The following PCNX1 variants were observed in gnomAD, a reference collection of about 807,000 sequenced individuals.
PCNX1 encodes pecanex-like protein 1.
A neutral mutation model predicts 242.2 loss-of-function variants in PCNX1; 78 were observed. That is an observed-to-expected ratio of 0.32 (90% CI 0.27 to 0.39). PCNX1 has a LOEUF of 0.39. PCNX1 is among the 10% of genes least tolerant of loss of function. The pLI is 1.00. For missense variants in PCNX1, 2,581 were observed against 2,856.5 expected, an observed-to-expected ratio of 0.90 and a Z score of 2.20; for synonymous variants, 1,024 against 1,032.9, an observed-to-expected ratio of 0.99 and a Z score of 0.17.
At chr14:71,107,356 A>G (rs2062653889) in intron 33 of PCNX1, among the ~76,000 whole-genome samples, 1 of 151,972 alleles carries the variant, frequency 6.6e-6, no homozygotes. Context: ...TGGTTTTTGT[A>G]ATTTTTTTTT....
intron 1 of PCNX1, among the ~76,000 whole-genome samples, chr14:70,934,404 T>C (rs2056919084): frequency 6.8e-6 from 1 of 148,122 alleles, no homozygotes; most frequent in Admixed American, 6.7e-5. Flanking sequence ...TTAAAAAAAA[T>C]TGTGGTAAAA....
rs369241232 is a variant in PCNX1 at position 71,090,996 on chromosome 14, CA to C, written c.5589+1655del. ...CTTTACTTTATATTCTGGCCCAACA[CA>C]CTTGGATATAGCACACTCCCATCAT... On this transcript the variant is annotated intron_variant, in intron 30 of 35. Coordinates refer to ENST00000304743, the MANE Select transcript of PCNX1 (RefSeq NM_014982.3). Among the ~76,000 whole-genome samples the C allele has an allele frequency of 3.6e-3, 551 of 152,318 alleles. 1 individual carries two copies. The highest frequency in any genetic ancestry group is 0.013 in the African/African-American group (534 of 41,572).
chr14:71,066,797 T>C (rs1386160133), intron 26 of PCNX1, among the ~76,000 whole-genome samples: 1 of 152,200 alleles, frequency 6.6e-6, no homozygotes, highest in Non-Finnish European at 1.5e-5. Flanking sequence ...ATACCTAGTT[T>C]ATGGAGAGGT....
chr14:70,956,945 T>G (rs185773334), intron 2 of PCNX1, among the ~76,000 whole-genome samples: 3 of 152,116 alleles, frequency 2.0e-5, no homozygotes, highest in Admixed American at 1.3e-4. Flanking sequence ...AAGCACGTAC[T>G]GCTATGACTG....
chr14:71,041,900 T>G (rs1256417379), intron 19 of PCNX1, among the ~76,000 whole-genome samples: 1 of 152,144 alleles, frequency 6.6e-6, no homozygotes, highest in Non-Finnish European at 1.5e-5. Flanking sequence ...GTATTGGAAA[T>G]TTTTAAATTT....
chr14:70,924,377 T>G (rs2056506240), intron 1 of PCNX1, among the ~76,000 whole-genome samples: 1 of 152,174 alleles, frequency 6.6e-6, no homozygotes, highest in South Asian at 2.1e-4. Flanking sequence ...TGCATCCGGT[T>G]TCTCCTCTTG....
chr14:71,028,871 A>T, intron 16 of PCNX1, 80 bp downstream of exon 16: 2 of 771,178 alleles, frequency 2.6e-6, no homozygotes, highest in Non-Finnish European at 4.3e-6. Flanking sequence ...ACTAATAATG[A>T]TTTCTTCCCC....
At chr14:70,951,117 T>C (rs1003025496) in intron 2 of PCNX1, among the ~76,000 whole-genome samples, 1 of 152,174 alleles carries the variant, frequency 6.6e-6, no homozygotes, top group African/African-American at 2.4e-5. Context: ...TTAATTTGTT[T>C]AGGTTTGTTT....
chr14:70,932,591 C>T (rs1407161646), intron 1 of PCNX1, among the ~76,000 whole-genome samples: 1 of 151,146 alleles, frequency 6.6e-6, no homozygotes, highest in Non-Finnish European at 1.5e-5. Flanking sequence ...TTTTATTTAT[C>T]TAATTTTATT....
Position 70,943,280 on chromosome 14 carries a change from G to C in PCNX1, c.154-3635G>C, listed in dbSNP as rs866376470. Among the ~76,000 whole-genome samples, 19 of 152,228 alleles carry C rather than the reference G, an allele frequency of 1.2e-4. 1 individual carries two copies. Among genetic ancestry groups the C allele is most frequent in the Middle Eastern group, 6.8e-3 (2 of 294 alleles). On this transcript the variant is annotated intron_variant, in intron 1 of 35. Coordinates refer to ENST00000304743, the MANE Select transcript of PCNX1 (RefSeq NM_014982.3). ...GCTCAGAAGAAGACAGGAAGATGTG[G>C]GAAAGTTTGGAACTTCCTAGAGACT... is the stretch of plus-strand genomic sequence containing the variant.
chr14:71,074,485 A>C (rs1595442859), intron 27 of PCNX1, among the ~76,000 whole-genome samples: 1 of 152,212 alleles, frequency 6.6e-6, no homozygotes, highest in Admixed American at 6.5e-5. Flanking sequence ...GGTACATAGG[A>C]TATTGTCCAG....
At chr14:71,079,829 C>T (rs1212983235) in intron 28 of PCNX1, among the ~76,000 whole-genome samples, 2 of 152,090 alleles carry the variant, frequency 1.3e-5, no homozygotes, top group Non-Finnish European at 2.9e-5. Flanking sequence ...GTTGCCTGTT[C>T]ACTCTGATAA....
chr14:70,994,429 A>G (rs2059282731), intron 7 of PCNX1, among the ~76,000 whole-genome samples: 1 of 113,590 alleles, frequency 8.8e-6, no homozygotes, highest in African/African-American at 3.3e-5. Flanking sequence ...ATATATATAT[A>G]TGTATGTATG....
At chr14:71,063,470 G>A (rs1224329344) in intron 26 of PCNX1, among the ~76,000 whole-genome samples, 2 of 152,130 alleles carry the variant, frequency 1.3e-5, no homozygotes, top group Non-Finnish European at 2.9e-5. Context: ...TAGTTTCGTA[G>A]ACTGATTAAA....
At chr14:71,010,320 G>C (rs1274769952) in intron 9 of PCNX1, among the ~76,000 whole-genome samples, 1 of 152,016 alleles carries the variant, frequency 6.6e-6, no homozygotes, top group Non-Finnish European at 1.5e-5. Flanking sequence ...CTTCATGTAA[G>C]TTCTTACATA....
intron 22 of PCNX1, among the ~76,000 whole-genome samples, chr14:71,048,365 G>A (rs2060924891): frequency 6.6e-6 from 1 of 152,132 alleles, no homozygotes; most frequent in Non-Finnish European, 1.5e-5. Context: ...ACTGAGGCTA[G>A]GTGGGAGCAG....
chr14:70,917,696 T>TG (rs2056204849), intron 1 of PCNX1, among the ~76,000 whole-genome samples: 1 of 152,212 alleles, frequency 6.6e-6, no homozygotes, highest in South Asian at 2.1e-4. Flanking sequence ...ATTTTTGGAA[T>TG]GGCCAATGAG....
intron 25 of PCNX1, 70 bp downstream of exon 25, chr14:71,055,632 C>A: frequency 2.3e-6 from 2 of 861,706 alleles, no homozygotes; most frequent in Non-Finnish European, 3.7e-6. Context: ...TTTATATTCA[C>A]TCCTAACTTG....
At position 70,947,082 on chromosome 14, in the gene PCNX1, A is replaced by G. The variant is rs141678769; in HGVS notation, c.321A>G (p.Gln107=). The G allele has an allele frequency of 3.1e-6, 5 of 1,613,274 alleles. No homozygotes were observed. In the South Asian group the frequency reaches 5.5e-5, roughly 18 times the overall value. The stretch of plus-strand genomic sequence containing the variant: ...CGGATCAGCGAACCAAAGCTGAACA[A>G]GGCAACTGTTCAACCAGGAGAAAAG... ...EFTDQRTKAE[Q]GNCSTRRKDS... Residue 107 remains glutamine (Q), a synonymous_variant, in exon 2 of 36, where the codon CAA becomes CAG. Coordinates refer to ENST00000304743, the MANE Select transcript of PCNX1 (RefSeq NM_014982.3).
Sources: allele counts gnomAD v4.1 joint callset (sites outside exome capture counted in the v4.1 genomes callset), GRCh38; gene constraint gnomAD v4.1.1; transcripts MANE v1.5; gene names NCBI Gene and HGNC (gene_info 2026-07-23, HGNC 2026-07-21).